The following RNF170 variants were observed in gnomAD, a reference collection of about 807,000 sequenced individuals.
RNF170 encodes ring finger protein 170.
Under a neutral mutation model 32.7 loss-of-function variants are expected in RNF170, and 12 were observed. That is an observed-to-expected ratio of 0.37 (90% CI 0.24 to 0.60). The LOEUF is 0.60. RNF170 is among the 20% of genes least tolerant of loss of function. RNF170 has a pLI of 0.72. For synonymous variants in RNF170, 91 were observed against 103.6 expected (o/e 0.88, Z 0.74); for missense variants, 212 against 311.2 (o/e 0.68, Z 2.40).
rs1002139120 is a variant in RNF170 at position 42,855,373 on chromosome 8, G to A, written c.*786C>T. On this transcript the variant is annotated 3_prime_UTR_variant, in exon 7 of 7. Coordinates refer to ENST00000527424, the MANE Select transcript of RNF170 (RefSeq NM_030954.4). ...ACTACAGGCGCCTGCCACCACGCCT[G>A]GCTAATTTTTTGTATTTTTAGTAGA... The A allele has an allele frequency of 1.5e-6, 1 of 672,226 alleles. No homozygotes were observed. The allele number at this position is 672,226 out of a possible 1,614,324, so 41.6% of individuals were successfully genotyped here.
chr8:42,896,712 A>T, upstream of RNF170: 1 of 234,886 alleles, frequency 4.3e-6, no homozygotes, highest in Non-Finnish European at 9.3e-6. Context: ...TCGCCTCGAC[A>T]CGCAGCGAAC....
intron 1 of RNF170, among the ~76,000 whole-genome samples, chr8:42,895,741 C>T (rs1806755858): frequency 6.6e-6 from 1 of 152,142 alleles, no homozygotes; most frequent in Admixed American, 6.5e-5. Flanking sequence ...GATTGAAAAC[C>T]ACAAAACAAC....
intron 1 of RNF170, among the ~76,000 whole-genome samples, chr8:42,893,945 C>T (rs1806523680): frequency 6.6e-6 from 1 of 152,188 alleles, no homozygotes; most frequent in African/African-American, 2.4e-5. Flanking sequence ...AAGACAAGTT[C>T]AACTCACCTC....
chr8:42,869,609 GAGA>G (rs1804377044), intron 4 of RNF170, among the ~76,000 whole-genome samples: 1 of 152,162 alleles, frequency 6.6e-6, no homozygotes, highest in African/African-American at 2.4e-5. Flanking sequence ...AGGTTCTTGA[GAGA>G]AGAACCTTCC....
rs887842070 is a variant in RNF170, at chr8:42,855,673, A to G, written c.*486T>C. 1.6e-6 allele frequency: 2 copies of G among 1,282,878 alleles called. No homozygotes were observed. The highest frequency in any genetic ancestry group is 2.0e-6 in the Non-Finnish European group (2 of 986,406). 79.5% of individuals were successfully genotyped at this position (1,282,878 alleles called of 1,614,324 possible). A position where few individuals can be genotyped will look rare whatever the true frequency, so the allele number is the denominator to read the frequency against. ...GAACTGCTCCAAATGCACAAAACTT[A>G]GCTAGCACTAAAAGAAATACTGAAT... On this transcript the variant is annotated 3_prime_UTR_variant, in exon 7 of 7. Coordinates refer to ENST00000527424, the MANE Select transcript of RNF170 (RefSeq NM_030954.4).
upstream of RNF170, chr8:42,896,719 G>A (rs1433623100): frequency 5.1e-5 from 9 of 175,550 alleles, no homozygotes; most frequent in Admixed American, 1.7e-4. Context: ...GACACGCAGC[G>A]AACTGGTGGC....
In RNF170 at chr8:42,854,637, G is replaced by C. The variant is rs1335368912; in HGVS notation, c.*1522C>G. On this transcript the variant is annotated 3_prime_UTR_variant, in exon 7 of 7. Coordinates refer to ENST00000527424, the MANE Select transcript of RNF170 (RefSeq NM_030954.4). ...AATTGGTAGCTGATCTGATTAGCTA[G>C]AGAGAATGTGACAGATTTTCTCCTT... is the stretch of plus-strand genomic sequence containing the variant. 1.6e-5 allele frequency: 20 copies of C among 1,286,930 alleles called. No homozygotes were observed. The highest frequency in any genetic ancestry group is 1.9e-5 in the Non-Finnish European group (19 of 988,538). The allele number at this position is 1,286,930 out of a possible 1,614,324, so 79.7% of individuals were successfully genotyped here. A position where few individuals can be genotyped will look rare whatever the true frequency, so the allele number is the denominator to read the frequency against.
chr8:42,853,874 C>T lies in RNF170; in HGVS notation c.*2285G>A, dbSNP rs1261215858. 24 of 1,286,590 alleles carry T rather than the reference C, an allele frequency of 1.9e-5. No individual in the cohort carries two copies. Among genetic ancestry groups the T allele is most frequent in the Non-Finnish European group, 2.3e-5 (23 of 988,204 alleles). 79.7% of individuals were successfully genotyped at this position (1,286,590 alleles called of 1,614,324 possible). On this transcript the variant is annotated 3_prime_UTR_variant, in exon 7 of 7. Transcript: ENST00000527424. ...ATGTTACAAAATTTGGTACAATACACCTCTTTCAGGAAAGTCTTAGTAGTA... is the reference window on the plus strand; with the variant it reads ...ATGTTACAAAATTTGGTACAATACATCTCTTTCAGGAAAGTCTTAGTAGTA...
intron 1 of RNF170, among the ~76,000 whole-genome samples, chr8:42,892,678 T>TG (rs1375237240): frequency 1.3e-5 from 2 of 151,742 alleles, no homozygotes; most frequent in Admixed American, 6.6e-5. Flanking sequence ...TGCAGCGTTT[T>TG]TTTTTTTTTT....
At chr8:42,879,736 A>G (rs1805234845) in intron 2 of RNF170, among the ~76,000 whole-genome samples, 1 of 151,600 alleles carries the variant, frequency 6.6e-6, no homozygotes, top group Non-Finnish European at 1.5e-5. Context: ...GTATAGTGCT[A>G]CACTCTTGGC....
chr8:42,853,756 T>A lies in RNF170; in HGVS notation c.*2403A>T. ...TTCTGCATTTATCATCAGAGATCGGTAAAGATGACAACAAGCAGGTCTAAA... is the reference window on the plus strand; with the variant it reads ...TTCTGCATTTATCATCAGAGATCGGAAAAGATGACAACAAGCAGGTCTAAA... On this transcript the variant is annotated 3_prime_UTR_variant, in exon 7 of 7. Coordinates refer to ENST00000527424, the MANE Select transcript of RNF170 (RefSeq NM_030954.4). The A allele has an allele frequency of 7.8e-7, 1 of 1,287,230 alleles. No homozygotes were observed. 79.7% of individuals were successfully genotyped at this position (1,287,230 alleles called of 1,614,324 possible).
upstream of RNF170, chr8:42,896,686 A>G (rs763012692): frequency 1.3e-4 from 55 of 418,464 alleles, no homozygotes; most frequent in South Asian, 8.7e-4. Context: ...CGCAGCCTCC[A>G]GGGCGGAGCG....
chr8:42,853,280 A>G (rs1488494620), downstream of RNF170: 3 of 1,124,098 alleles, frequency 2.7e-6, no homozygotes, highest in Non-Finnish European at 3.4e-6. Context: ...TTAAATAAAC[A>G]GAAAAATAAC....
chr8:42,878,938 C>G (rs978636941), intron 2 of RNF170, among the ~76,000 whole-genome samples: 4 of 152,208 alleles, frequency 2.6e-5, no homozygotes, highest in African/African-American at 9.6e-5. Context: ...CTCATCTACT[C>G]TGCCTGTGCT....
At chr8:42,888,158 C>T (rs1003835984) in intron 1 of RNF170, among the ~76,000 whole-genome samples, 6 of 152,112 alleles carry the variant, frequency 3.9e-5, no homozygotes, top group Admixed American at 3.3e-4. Context: ...GTCCGCCTCC[C>T]GGGTTCAAGC....
intron 5 of RNF170, 115 bp downstream of exon 5, chr8:42,865,301 G>T: frequency 1.4e-6 from 1 of 721,022 alleles, no homozygotes; most frequent in Non-Finnish European, 2.4e-6. Context: ...AAGAAGATTT[G>T]GATAAATGAA....
rs1805466816 is a variant in RNF170 at position 42,882,174 on chromosome 8, T to C, written c.137+5554A>G. Among the ~76,000 whole-genome samples the C allele has an allele frequency of 3.9e-5, 6 of 152,178 alleles. No individual in the cohort carries two copies. In the South Asian group the frequency reaches 1.2e-3, roughly 32 times the overall value. On this transcript the variant is annotated intron_variant, in intron 2 of 6. Coordinates refer to ENST00000527424, the MANE Select transcript of RNF170 (RefSeq NM_030954.4). ...GGAATATAAAGCAGGGCAGCTGCTG[T>C]GGGAAACAGTCTGGAGGTTCCTTAA...
At chr8:42,870,224 C>T in intron 3 of RNF170, 112 bp from the exon 4 acceptor site, 1 of 757,754 alleles carries the variant, frequency 1.3e-6, no homozygotes, top group East Asian at 2.6e-5. Context: ...CCTCATCAAA[C>T]TGTAAACGTG....
At chr8:42,897,250 C>T (rs527599889), upstream of RNF170, 74 of 1,136,482 alleles carry the variant, frequency 6.5e-5, no homozygotes, top group African/African-American at 5.1e-4. Context: ...CGGGACCCTC[C>T]ACGCGCGGCC....
Sources: allele counts gnomAD v4.1 joint callset (sites outside exome capture counted in the v4.1 genomes callset), GRCh38; gene constraint gnomAD v4.1.1; transcripts MANE v1.5; gene names NCBI Gene and HGNC (gene_info 2026-07-23, HGNC 2026-07-21).